The following PCDHGA10 variants were observed in gnomAD, a reference collection of about 807,000 sequenced individuals.
The protein encoded by PCDHGA10 is protocadherin gamma-A10.
A neutral mutation model predicts 59.5 loss-of-function variants in PCDHGA10; 42 were observed. The ratio of observed to expected loss-of-function variants is 0.71; its 90% confidence interval spans 0.55 to 0.91. PCDHGA10 has a LOEUF of 0.91. Among genes scored for constraint, PCDHGA10 ranks in the 40% least tolerant of loss-of-function variants. PCDHGA10 has a pLI of 0.00. For missense variants in PCDHGA10, 1,111 were observed against 1,198.2 expected (o/e 0.93, Z 1.07); for synonymous variants, 511 against 517.2 (o/e 0.99, Z 0.16).
intron 1 of PCDHGA10, among the ~76,000 whole-genome samples, chr5:141,447,650 T>G (rs555134653): frequency 1.3e-5 from 2 of 151,988 alleles, no homozygotes; most frequent in Non-Finnish European, 2.9e-5. Flanking sequence ...GGTAGAATTT[T>G]CCCCCCCAGG....
At chr5:141,482,089 C>CA (rs36035257) in intron 1 of PCDHGA10, among the ~76,000 whole-genome samples, 13,509 of 134,292 alleles carry the variant, frequency 0.1, 910 homozygotes, top group African/African-American at 0.2. Context: ...CACTCCATCT[C>CA]AAAAAAAAAA....
intron 1 of PCDHGA10, chr5:141,426,204 T>C (rs10046053): frequency 0.11 from 17,599 of 155,696 alleles, 1,197 homozygotes; most frequent in African/African-American, 0.19. Flanking sequence ...TTGAGTTTTC[T>C]ATGTATGGAA....
chr5:141,417,900 G>C, intron 1 of PCDHGA10: 2 of 1,583,452 alleles, frequency 1.3e-6, no homozygotes, highest in Non-Finnish European at 1.7e-6. Context: ...GCCGGCCCGC[G>C]GCAGGTACTA....
chr5:141,475,553 T>A (rs1159585016), intron 1 of PCDHGA10, among the ~76,000 whole-genome samples: 2 of 152,260 alleles, frequency 1.3e-5, no homozygotes, highest in Non-Finnish European at 2.9e-5. Flanking sequence ...GTCCGGCTAA[T>A]TGTCTGTCTT....
At position 141,413,721 on chromosome 5, in the gene PCDHGA10, C is replaced by T. The variant is rs779673406; in HGVS notation, c.546C>T (p.Phe182=). 1 of 1,613,592 alleles carries T rather than the reference C, an allele frequency of 6.2e-7. No individual in the cohort carries two copies. The highest frequency in any genetic ancestry group is 1.1e-5 in the South Asian group (1 of 91,082). The change falls in exon 1 of 4, where the codon TTC becomes TTT. Residue 182 remains phenylalanine, a synonymous_variant. Transcript: ENST00000398610. ...ATCAGCTCAGCCCCAATAAGCACTT[C>T]TCCCTAAGAGTTCAGAGCCGTGCCA... ...QSYQLSPNKH[F]SLRVQSRANG...
chr5:141,448,788 A>C (rs865953914), intron 1 of PCDHGA10, among the ~76,000 whole-genome samples: 3 of 151,964 alleles, frequency 2.0e-5, no homozygotes, highest in South Asian at 2.1e-4. Flanking sequence ...AAAATACAAA[A>C]AAAAAAATTA....
intron 2 of PCDHGA10, among the ~76,000 whole-genome samples, chr5:141,502,989 G>A (rs140974023): frequency 0.024 from 3,652 of 150,590 alleles, 56 homozygotes; most frequent in East Asian, 0.043. Context: ...GATTACAGGC[G>A]TGTGCCACCA....
chr5:141,496,523 G>T (rs1159517569), intron 2 of PCDHGA10, among the ~76,000 whole-genome samples: 1 of 152,128 alleles, frequency 6.6e-6, no homozygotes, highest in Non-Finnish European at 1.5e-5. Context: ...GGAGCCCTTG[G>T]TGTATGGCAG....
chr5:141,461,167 C>T (rs917796588), intron 1 of PCDHGA10, among the ~76,000 whole-genome samples: 2 of 151,968 alleles, frequency 1.3e-5, no homozygotes, highest in Non-Finnish European at 2.9e-5. Context: ...AGTGGGATTG[C>T]TGGATTGAAT....
intron 1 of PCDHGA10, chr5:141,478,291 C>T: frequency 1.9e-6 from 3 of 1,614,144 alleles, no homozygotes; most frequent in East Asian, 2.2e-5. Context: ...AGTCTAGAGA[C>T]CTATACCGAG....
intron 1 of PCDHGA10, among the ~76,000 whole-genome samples, chr5:141,445,441 C>T (rs1201825256): frequency 6.6e-6 from 1 of 152,152 alleles, no homozygotes; most frequent in Admixed American, 6.6e-5. Context: ...GACCTATGGA[C>T]TAAGGATGCA....
In PCDHGA10 at chr5:141,490,755, C is replaced by T; in HGVS notation, c.2437-4052C>T. ...AGGTTCAGGGAGCCCCAGCCTCCTC[C>T]TTTGTGTATGTCAACCCAGAGGATG... On this transcript the variant is annotated intron_variant, in intron 1 of 3. Transcript: ENST00000398610. This position sits in a 1 kb window ranked among gnomAD's most constrained non-coding sequence, Gnocchi z 5.4. 1 of 1,614,190 alleles carries T rather than the reference C, an allele frequency of 6.2e-7. No individual in the cohort carries two copies. Among genetic ancestry groups the T allele is most frequent in the Non-Finnish European group, 8.5e-7 (1 of 1,180,026 alleles).
intron 1 of PCDHGA10, chr5:141,422,905 G>A: frequency 6.2e-7 from 1 of 1,614,260 alleles, no homozygotes; most frequent in South Asian, 1.1e-5. Flanking sequence ...GAACGACAAT[G>A]CGCCCGAGAT....
chr5:141,423,447 T>C (rs1347619382), intron 1 of PCDHGA10: 1 of 1,613,880 alleles, frequency 6.2e-7, no homozygotes, highest in Admixed American at 1.7e-5. Context: ...CCACGTCACA[T>C]TTTGTAGGCG....
In PCDHGA10 at chr5:141,489,782, A is replaced by C. The variant is rs770399288; in HGVS notation, c.2437-5025A>C. On this transcript the variant is annotated intron_variant, in intron 1 of 3. Coordinates refer to ENST00000398610, the MANE Select transcript of PCDHGA10 (RefSeq NM_018913.3). The surrounding 1 kb of genome is among the most constrained non-coding windows in gnomAD (Gnocchi z 4.5). ...AGCCCCAACAGCCACTTCTCTCTGA[A>C]TGTGAAGACCCTAAAAGATGGGAAG... 2 of 1,614,078 alleles carry C rather than the reference A, an allele frequency of 1.2e-6. No homozygotes were observed. The highest frequency in any genetic ancestry group is 2.2e-5 in the East Asian group (1 of 44,894).
intron 1 of PCDHGA10, chr5:141,427,900 C>T (rs1351712272): frequency 2.5e-6 from 4 of 1,571,732 alleles, no homozygotes; most frequent in Non-Finnish European, 3.5e-6. Flanking sequence ...GGCTCGCCCG[C>T]GCTCAGCGCC....
At chr5:141,464,995 G>A (rs1330469198) in intron 1 of PCDHGA10, among the ~76,000 whole-genome samples, 1 of 151,962 alleles carries the variant, frequency 6.6e-6, no homozygotes, top group East Asian at 1.9e-4. Context: ...TCCCACCTCA[G>A]CCTCCCAAAG....
At chr5:141,507,084 T>G (rs2099858284) in intron 3 of PCDHGA10, 1 of 152,142 alleles carries the variant, frequency 6.6e-6, no homozygotes, top group African/African-American at 2.4e-5. Flanking sequence ...ACTCCTAAGT[T>G]TATGCTCTTT....
intron 1 of PCDHGA10, chr5:141,433,208 C>CT (rs745329085): frequency 0.022 from 27,155 of 1,216,152 alleles, no homozygotes; most frequent in Non-Finnish European, 0.026. Flanking sequence ...AATCTTCTTT[C>CT]TTTTTTTTTT....
Sources: allele counts gnomAD v4.1 joint callset (sites outside exome capture counted in the v4.1 genomes callset), GRCh38; gene constraint gnomAD v4.1.1; non-coding constraint Gnocchi (gnomAD v3.1); transcripts MANE v1.5; gene names NCBI Gene and HGNC (gene_info 2026-07-23, HGNC 2026-07-21).